The following SASH1 variants were observed in gnomAD, a reference collection of about 807,000 sequenced individuals.
SASH1 encodes SAM and SH3 domain containing 1.
SASH1 carries 44 observed loss-of-function variants against 125.2 expected under a neutral mutation model. The ratio of observed to expected loss-of-function variants is 0.35; its 90% CI spans 0.28 to 0.45. The LOEUF is 0.45. SASH1 is among the 20% of genes least tolerant of loss of function. SASH1 has a pLI of 1.00. For missense variants in SASH1, 1,426 were observed against 1,614.5 expected (o/e 0.88, Z 2.00); for synonymous variants, 639 against 649.1 (o/e 0.98, Z 0.24).
chr6:148,420,229 G>T lies in SASH1; in HGVS notation c.286-19955G>T, dbSNP rs1785000000. 2.6e-5 allele frequency among the ~76,000 whole-genome samples: 4 copies of T among 152,224 alleles called. No individual in the cohort carries two copies. The South Asian group carries it at 8.3e-4, about 32-fold the overall frequency. Reference sequence around the variant, plus strand: ...TGTGCGTGTGTGTATGTAAATTTTAGATCAAATCTGACTCTGGGTCTGTAG... The same window carrying T: ...TGTGCGTGTGTGTATGTAAATTTTATATCAAATCTGACTCTGGGTCTGTAG... On this transcript the variant is annotated intron_variant, in intron 2 of 19. Transcript: ENST00000367467.
intron 1 of SASH1, among the ~76,000 whole-genome samples, chr6:148,361,120 G>A (rs1345884657): frequency 6.6e-6 from 1 of 152,170 alleles, no homozygotes; most frequent in Non-Finnish European, 1.5e-5. Flanking sequence ...ATCGCTGGCA[G>A]CCCCCAGCAG....
chr6:148,444,312 T>C (rs2115016488), intron 4 of SASH1, among the ~76,000 whole-genome samples: 1 of 152,202 alleles, frequency 6.6e-6, no homozygotes, highest in South Asian at 2.1e-4. Flanking sequence ...TTTAACAGGG[T>C]TTAAAGTCTC....
chr6:148,265,349 G>C, the SASH1 span, among the ~76,000 whole-genome samples: 12 of 146,030 alleles, frequency 8.2e-5, no homozygotes, highest in Non-Finnish European at 1.7e-4. Context: ...GGGAAGGAGG[G>C]AGGGAAGGAG....
At chr6:148,317,772 A>G (rs1183200104) in intron 1 of SASH1, among the ~76,000 whole-genome samples, 1 of 152,202 alleles carries the variant, frequency 6.6e-6, no homozygotes, top group East Asian at 1.9e-4. Context: ...CTTTTGTTGG[A>G]TACTGGATCC....
At chr6:148,347,460 TCTTA>T (rs1363729453) in intron 1 of SASH1, among the ~76,000 whole-genome samples, 4 of 152,182 alleles carry the variant, frequency 2.6e-5, no homozygotes, top group African/African-American at 9.6e-5. Context: ...ATTCATCCTA[TCTTA>T]CTATTTACTC....
chr6:148,312,600 C>A (rs1780361232), intron 1 of SASH1, among the ~76,000 whole-genome samples: 3 of 152,214 alleles, frequency 2.0e-5, no homozygotes, highest in Admixed American at 2.0e-4. Flanking sequence ...CATAGACAAG[C>A]TTCTTAACCT....
At chr6:148,260,606 TAAA>T in the SASH1 span, among the ~76,000 whole-genome samples, 3 of 131,136 alleles carry the variant, frequency 2.3e-5, no homozygotes, top group African/African-American at 2.8e-5. Flanking sequence ...ACCCTGTCTT[TAAA>T]AAAAAAAAAA....
chr6:148,244,806 A>G, the SASH1 span, among the ~76,000 whole-genome samples: 1 of 152,176 alleles, frequency 6.6e-6, no homozygotes, highest in Non-Finnish European at 1.5e-5. Context: ...GCCACCTGAC[A>G]GAGTGGATTC....
the SASH1 span, among the ~76,000 whole-genome samples, chr6:148,247,294 A>G: frequency 6.6e-6 from 1 of 152,222 alleles, no homozygotes; most frequent in Non-Finnish European, 1.5e-5. Context: ...GGCAGCCACA[A>G]TGCAGCTAAA....
At chr6:148,481,570 G>C (rs1024377779) in intron 7 of SASH1, among the ~76,000 whole-genome samples, 1 of 152,082 alleles carries the variant, frequency 6.6e-6, no homozygotes, top group African/African-American at 2.4e-5. Context: ...GCGATTGCAG[G>C]GTTATTAATT....
chr6:148,202,184 G>C, the SASH1 span, among the ~76,000 whole-genome samples: 1 of 152,100 alleles, frequency 6.6e-6, no homozygotes, highest in African/African-American at 2.4e-5. Flanking sequence ...CAGGATGCTA[G>C]GTGAATTGTT....
chr6:148,307,973 G>A (rs984592383), intron 1 of SASH1, among the ~76,000 whole-genome samples: 2 of 152,108 alleles, frequency 1.3e-5, no homozygotes, highest in African/African-American at 4.8e-5. Context: ...GGTAATATGA[G>A]GGCAGAAAAC....
At chr6:148,476,222 T>C (rs535342448) in intron 7 of SASH1, among the ~76,000 whole-genome samples, 1 of 121,122 alleles carries the variant, frequency 8.3e-6, no homozygotes, top group East Asian at 2.4e-4. Flanking sequence ...ACCAAAGAAG[T>C]GAAAGCTCTC....
At chr6:148,508,199 GGAGA>G (rs572566862) in intron 8 of SASH1, among the ~76,000 whole-genome samples, 45 of 152,142 alleles carry the variant, frequency 3.0e-4, no homozygotes, top group African/African-American at 9.9e-4. Context: ...AAAGGAATGG[GGAGA>G]GAGAGAGAAA....
chr6:148,260,818 T>TTTG, the SASH1 span, among the ~76,000 whole-genome samples: 5 of 131,088 alleles, frequency 3.8e-5, no homozygotes, highest in Non-Finnish European at 6.7e-5. Context: ...TTTTTTTTTT[T>TTTG]TGAGAGAGGG....
chr6:148,494,575 C>T (rs958427386), intron 8 of SASH1, among the ~76,000 whole-genome samples: 2 of 151,914 alleles, frequency 1.3e-5, no homozygotes, highest in African/African-American at 2.4e-5. Flanking sequence ...TGCAGTGAGC[C>T]GAGATCACGC....
intron 1 of SASH1, among the ~76,000 whole-genome samples, chr6:148,293,261 G>T (rs997726334): frequency 5.3e-5 from 8 of 152,182 alleles, no homozygotes; most frequent in Non-Finnish European, 8.8e-5. Flanking sequence ...GAGCACTCCA[G>T]ACTAGCACTG....
At chr6:148,500,382 C>T (rs759862422) in intron 8 of SASH1, among the ~76,000 whole-genome samples, 3 of 152,052 alleles carry the variant, frequency 2.0e-5, no homozygotes, top group African/African-American at 4.8e-5. Context: ...TTGAATGTGC[C>T]GTATCGTAAT....
At chr6:148,452,740 G>C (rs997634852) in intron 4 of SASH1, among the ~76,000 whole-genome samples, 29 of 152,128 alleles carry the variant, frequency 1.9e-4, no homozygotes, top group African/African-American at 7.0e-4. Flanking sequence ...GCTGCCCCTG[G>C]TGAGGGCAGT....
Sources: gnomAD v4.1 joint callset for allele counts (sites outside exome capture counted in the v4.1 genomes callset) on GRCh38, gnomAD v4.1.1 for gene constraint, MANE v1.5 for transcripts, NCBI Gene and HGNC (gene_info 2026-07-23, HGNC 2026-07-21) for gene names.